The following TSBP1 variants were observed in gnomAD, a reference collection of about 807,000 sequenced individuals.
TSBP1 encodes the protein testis-expressed basic protein 1.
A neutral mutation model predicts 68.8 loss-of-function variants in TSBP1; 56 were observed. The observed-to-expected ratio is 0.81, with a 90% CI of 0.66 to 1.02. The LOEUF (loss-of-function observed/expected upper bound fraction) is 1.02, where lower values mean the gene tolerates loss of function less well. Ranked by LOEUF, TSBP1 falls within the 50% of genes least tolerant of loss-of-function variation. The pLI is 0.00. For synonymous variants in TSBP1, 171 were observed against 208.7 expected, an observed-to-expected ratio of 0.82 and a Z score of 1.56; for missense variants, 502 against 641.2, an observed-to-expected ratio of 0.78 and a Z score of 2.34.
chr6:32,333,153 C>T lies in TSBP1; in HGVS notation c.473-1099G>A, dbSNP rs754913738. 4.6e-5 allele frequency among the ~76,000 whole-genome samples: 7 copies of T among 151,932 alleles called. No individual in the cohort carries two copies. Among genetic ancestry groups the T allele is most frequent in the African/African-American group, 1.2e-4 (5 of 41,432 alleles). On this transcript the variant is annotated intron_variant, in intron 14 of 22. Transcript: ENST00000612031. The surrounding 1 kb of genome is among the most constrained non-coding windows in gnomAD (Gnocchi z 4.2). Reference sequence around the variant, plus strand: ...CCTCCTGAGTAGCTGGGACTGCAGGCGCACGACACCACACCCAGCTAATTT... The same window carrying T: ...CCTCCTGAGTAGCTGGGACTGCAGGTGCACGACACCACACCCAGCTAATTT...
At chr6:32,366,171 G>A in exon 6 of TSBP1, 1 of 1,602,226 alleles carries the variant, frequency 6.2e-7, no homozygotes, top group Non-Finnish European at 8.5e-7. Context: ...ACTTACCTCG[G>A]TTATCATATG....
Position 32,343,258 on chromosome 6 carries a change from G to T in TSBP1, c.350-3620C>A. The stretch of plus-strand genomic sequence containing the variant: ...CTTACTCATGGATCCTTGAGGTAAA[G>T]CTAAAGAACAATAACAATTATTCAA... On this transcript the variant is annotated intron_variant, in intron 9 of 22. Coordinates refer to ENST00000612031, the Ensembl canonical transcript of TSBP1. This position sits in a 1 kb window ranked among gnomAD's most constrained non-coding sequence, Gnocchi z 4.3. 7.1e-7 allele frequency: 1 copy of T among 1,403,474 alleles called. No homozygotes were observed. Among genetic ancestry groups the T allele is most frequent in the South Asian group, 1.7e-5 (1 of 58,798 alleles). 86.9% of individuals were successfully genotyped at this position (1,403,474 alleles called of 1,614,324 possible). A position where few individuals can be genotyped will look rare whatever the true frequency, so the allele number is the denominator to read the frequency against.
At chr6:32,358,463 G>C (rs6457548) in intron 6 of TSBP1, among the ~76,000 whole-genome samples, 1 of 151,602 alleles carries the variant, frequency 6.6e-6, no homozygotes, top group Non-Finnish European at 1.5e-5. Context: ...TGTGCACAAC[G>C]TGCAGTTTTG....
At chr6:32,368,031 T>C in intron 3 of TSBP1, 74 bp from the exon 4 acceptor site, 1 of 1,208,376 alleles carries the variant, frequency 8.3e-7, no homozygotes, top group Non-Finnish European at 1.2e-6. Context: ...CTCTGAGAAC[T>C]AATGTAAACA....
intron 21 of TSBP1, 141 bp downstream of exon 24, chr6:32,300,539 T>A: frequency 1.4e-6 from 1 of 724,382 alleles, no homozygotes; most frequent in Admixed American, 2.3e-5. Context: ...GAATTAAAAT[T>A]GAAATATGAG....
In TSBP1 at chr6:32,337,792, G is replaced by T. The variant is rs1769848629; in HGVS notation, c.410-1157C>A. 6.6e-6 allele frequency among the ~76,000 whole-genome samples: 1 copy of T among 152,048 alleles called. No homozygotes were observed. The highest frequency in any genetic ancestry group is 1.5e-5 in the Non-Finnish European group (1 of 68,018). ...ATTACATGTATGAGCCACTGTGCTT[G>T]GCCTAATATGTGCTTTTATGATACC... On this transcript the variant is annotated intron_variant, in intron 11 of 22. Coordinates refer to ENST00000612031, the Ensembl canonical transcript of TSBP1. This position sits in a 1 kb window ranked among gnomAD's most constrained non-coding sequence, Gnocchi z 5.5.
chr6:32,301,705 GT>G (rs199641252), intron 20 of TSBP1, among the ~76,000 whole-genome samples: 5 of 81,380 alleles, frequency 6.1e-5, no homozygotes, highest in Admixed American at 2.5e-4. Flanking sequence ...GTGAAACGCT[GT>G]TTTAAAAAAA....
Position 32,343,173 on chromosome 6 carries a change from A to T in TSBP1, c.350-3535T>A. On this transcript the variant is annotated intron_variant, in intron 9 of 22. Coordinates refer to ENST00000612031, the Ensembl canonical transcript of TSBP1. This position sits in a 1 kb window ranked among gnomAD's most constrained non-coding sequence, Gnocchi z 4.3. ...GAAACAGGAAATAGTTAAGACAGGG[A>T]GAAGTCCTCTGCCTAGCATAGGAGC... is the stretch of plus-strand genomic sequence containing the variant. The T allele has an allele frequency of 1.4e-5, 13 of 925,694 alleles. No homozygotes were observed. The highest frequency in any genetic ancestry group is 1.9e-5 in the Non-Finnish European group (13 of 674,516). 57.3% of individuals were successfully genotyped at this position (925,694 alleles called of 1,614,324 possible).
Position 32,335,427 on chromosome 6 carries a change from G to A in TSBP1, c.472+10C>T. 6 of 1,503,958 alleles carry A rather than the reference G, an allele frequency of 4.0e-6. No individual in the cohort carries two copies. The highest frequency in any genetic ancestry group is 5.3e-6 in the Non-Finnish European group (6 of 1,125,942). The allele number at this position is 1,503,958 out of a possible 1,614,324, so 93.2% of individuals were successfully genotyped here. On this transcript the variant is annotated intron_variant, in intron 14 of 22. Coordinates refer to ENST00000612031, the Ensembl canonical transcript of TSBP1. The surrounding 1 kb of genome is among the most constrained non-coding windows in gnomAD (Gnocchi z 5.5). Reference sequence around the variant, plus strand: ...TAAAAGGCATTATAATTGAGAATCAGATGACTTACCAATGGTTTTTTGAGA... The same window carrying A: ...TAAAAGGCATTATAATTGAGAATCAAATGACTTACCAATGGTTTTTTGAGA...
chr6:32,313,323 G>A (rs1223199752), intron 19 of TSBP1, among the ~76,000 whole-genome samples: 1 of 152,208 alleles, frequency 6.6e-6, no homozygotes, highest in Non-Finnish European at 1.5e-5. Flanking sequence ...CTCCTTAAGT[G>A]CAAGGACTTT....
chr6:32,355,754 C>A, intron 6 of TSBP1, 85 bp from the exon 7 acceptor site: 1 of 1,443,206 alleles, frequency 6.9e-7, no homozygotes, highest in South Asian at 1.4e-5. Context: ...ATTACCCAAT[C>A]AACACCCTCA....
At chr6:32,305,571 G>A (rs549912191) in intron 19 of TSBP1, among the ~76,000 whole-genome samples, 4 of 152,188 alleles carry the variant, frequency 2.6e-5, no homozygotes, top group African/African-American at 7.2e-5. Context: ...TCTGCATCTC[G>A]TTATTGGGCC....
At chr6:32,293,730 T>C (rs3749966) in exon 23 of TSBP1, 374,397 of 1,612,350 alleles carry the variant, frequency 0.23, 45,859 homozygotes, top group African/African-American at 0.34. Context: ...CCTTGTGGTA[T>C]ACTCATCTCA....
intron 16 of TSBP1, among the ~76,000 whole-genome samples, chr6:32,329,230 G>A (rs1479247055): frequency 7.6e-6 from 1 of 132,364 alleles, no homozygotes. Context: ...AAGGGAGAGG[G>A]AGTCAAGCAG....
At position 32,325,695 on chromosome 6, in the gene TSBP1, A is replaced by C; in HGVS notation, c.515-2081T>G. On this transcript the variant is annotated intron_variant, in intron 16 of 22. Coordinates refer to ENST00000612031, the Ensembl canonical transcript of TSBP1. This position sits in a 1 kb window ranked among gnomAD's most constrained non-coding sequence, Gnocchi z 4.4. Reference sequence around the variant, plus strand: ...ACCTTTGATGACCATGACTCCGTGGATAAGACTGTCATTCAGAAATACCAC... The same window carrying C: ...ACCTTTGATGACCATGACTCCGTGGCTAAGACTGTCATTCAGAAATACCAC... The C allele has an allele frequency of 9.4e-7, 1 of 1,065,406 alleles. No homozygotes were observed. Among genetic ancestry groups the C allele is most frequent in the Non-Finnish European group, 1.4e-6 (1 of 695,078 alleles). 66.0% of individuals were successfully genotyped at this position (1,065,406 alleles called of 1,614,324 possible).
chr6:32,350,177 T>C (rs1162269470), intron 8 of TSBP1: 1 of 480,888 alleles, frequency 2.1e-6, no homozygotes, highest in Non-Finnish European at 4.1e-6. Flanking sequence ...TTCGAAAAGA[T>C]TTTTTGTTAC....
chr6:32,329,625 T>C (rs1055307058), intron 16 of TSBP1, among the ~76,000 whole-genome samples: 1 of 152,198 alleles, frequency 6.6e-6, no homozygotes, highest in Non-Finnish European at 1.5e-5. Flanking sequence ...CTTATAGGAC[T>C]GTAAACTCCA....
intron 19 of TSBP1, among the ~76,000 whole-genome samples, chr6:32,308,323 A>G (rs1036426151): frequency 2.0e-5 from 3 of 151,998 alleles, no homozygotes; most frequent in Non-Finnish European, 4.4e-5. Flanking sequence ...ATTTAAAAAA[A>G]TTTGCTTTTT....
Position 32,337,217 on chromosome 6 carries a change from A to C in TSBP1, c.410-582T>G, listed in dbSNP as rs780685228. Among the ~76,000 whole-genome samples, 1 of 152,248 alleles carries C rather than the reference A, an allele frequency of 6.6e-6. No individual in the cohort carries two copies. Among genetic ancestry groups the C allele is most frequent in the Non-Finnish European group, 1.5e-5 (1 of 68,042 alleles). Reference sequence around the variant, plus strand: ...GGAAAACATCACAAATGTAGACACCAGGAGCAAAATTTCCACTTCAGTGGA... The same window carrying C: ...GGAAAACATCACAAATGTAGACACCCGGAGCAAAATTTCCACTTCAGTGGA... On this transcript the variant is annotated intron_variant, in intron 11 of 22. Transcript: ENST00000612031. The surrounding 1 kb of genome is among the most constrained non-coding windows in gnomAD (Gnocchi z 5.5).
Sources: allele counts gnomAD v4.1 joint callset (sites outside exome capture counted in the v4.1 genomes callset), GRCh38; gene constraint gnomAD v4.1.1; non-coding constraint Gnocchi (gnomAD v3.1); transcripts MANE v1.5; gene names NCBI Gene and HGNC (gene_info 2026-07-23, HGNC 2026-07-21).